The following GALNT3 variants were observed in gnomAD, a reference collection of about 807,000 sequenced individuals.
GALNT3 encodes the protein GalNAc transferase 3.
GALNT3 carries 51 observed loss-of-function variants against 69.8 expected under a neutral mutation model. That is an observed-to-expected ratio of 0.73 (90% CI 0.58 to 0.92). The LOEUF is 0.92. Among genes scored for constraint, GALNT3 ranks in the 40% least tolerant of loss-of-function variants. The pLI, the probability that GALNT3 is intolerant of heterozygous loss-of-function variation, is 0.00. For missense variants in GALNT3, 711 were observed against 760.0 expected, an observed-to-expected ratio of 0.94 and a Z score of 0.76; for synonymous variants, 265 against 248.5, an observed-to-expected ratio of 1.07 and a Z score of -0.63.
At chr2:165,749,439 G>T (rs1688316914) in intron 10 of GALNT3, among the ~76,000 whole-genome samples, 1 of 152,006 alleles carries the variant, frequency 6.6e-6, no homozygotes, top group Non-Finnish European at 1.5e-5. Context: ...TATGACTGTT[G>T]CTAAAAGCAT....
intron 9 of GALNT3, among the ~76,000 whole-genome samples, chr2:165,751,803 C>A (rs1688362099): frequency 1.3e-5 from 2 of 151,726 alleles, no homozygotes; most frequent in Admixed American, 1.3e-4. Flanking sequence ...ATTATCTGAT[C>A]AAAAGTAGAA....
At chr2:165,750,016 T>A in intron 9 of GALNT3, 122 bp from the exon 10 acceptor site, 1 of 892,108 alleles carries the variant, frequency 1.1e-6, no homozygotes, top group Non-Finnish European at 1.8e-6. Flanking sequence ...AATAATACAA[T>A]AAAAATAGTT....
rs938529041 is a variant in GALNT3, at chr2:165,748,295, C to G, written c.*486G>C. On this transcript the variant is annotated 3_prime_UTR_variant, in exon 11 of 11. Transcript: ENST00000392701. ...AAAAAAAGTTCACCTGCATTTTAAA[C>G]TAATAAATTCTGGATCTGTAAAAGC... is the stretch of plus-strand genomic sequence containing the variant. The G allele has an allele frequency of 9.4e-6, 2 of 212,720 alleles. No homozygotes were observed. Among genetic ancestry groups the G allele is most frequent in the Non-Finnish European group, 1.9e-5 (2 of 105,150 alleles). 13.2% of individuals were successfully genotyped at this position (212,720 alleles called of 1,614,324 possible).
intron 1 of GALNT3, among the ~76,000 whole-genome samples, chr2:165,782,279 G>T (rs1683126223): frequency 6.6e-6 from 1 of 151,928 alleles, no homozygotes; most frequent in Non-Finnish European, 1.5e-5. Flanking sequence ...GTTAGCAGGG[G>T]TGTCCAATCT....
At chr2:165,758,163 G>A (rs548967490) in intron 6 of GALNT3, among the ~76,000 whole-genome samples, 71 of 152,238 alleles carry the variant, frequency 4.7e-4, no homozygotes, top group African/African-American at 1.7e-3. Flanking sequence ...TGGAGCCAGA[G>A]CCAAAACTTA....
chr2:165,777,118 C>T (rs1682974012), intron 1 of GALNT3, among the ~76,000 whole-genome samples: 1 of 152,164 alleles, frequency 6.6e-6, no homozygotes, highest in Non-Finnish European at 1.5e-5. Flanking sequence ...AGTGGTTCCT[C>T]TCACTTCTTG....
chr2:165,754,668 G>A lies in GALNT3; in HGVS notation c.1585C>T (p.Pro529Ser), dbSNP rs1339087446. Reference protein sequence around the residue: ...DVGENNQGGKPLIMYTCHGLG... With the variant: ...DVGENNQGGKSLIMYTCHGLG... ...CCATGACATGTATACATAATTAATGGTTTGCCTCCTTGATTGTTTTCTCCA... is the reference window on the plus strand; with the variant it reads ...CCATGACATGTATACATAATTAATGATTTGCCTCCTTGATTGTTTTCTCCA... Residue 529 changes from proline to serine, a missense_variant, in exon 9 of 11, where the codon CCA becomes TCA. By Grantham distance (74) the Pro-to-Ser change is moderately conservative. Coordinates refer to ENST00000392701, the MANE Select transcript of GALNT3 (RefSeq NM_004482.4). 6.2e-7 allele frequency: 1 copy of A among 1,613,428 alleles called. No individual in the cohort carries two copies. Among genetic ancestry groups the A allele is most frequent in the Non-Finnish European group, 8.5e-7 (1 of 1,179,696 alleles).
intron 1 of GALNT3, among the ~76,000 whole-genome samples, chr2:165,777,220 T>C (rs528093520): frequency 9.7e-4 from 148 of 152,310 alleles, no homozygotes; most frequent in African/African-American, 3.5e-3. Flanking sequence ...TAATTTGGTA[T>C]ACAAAACTTC....
intron 4 of GALNT3, chr2:165,761,617 G>GAA (rs71393694): frequency 0.036 from 19,193 of 530,218 alleles, no homozygotes; most frequent in South Asian, 0.066. Context: ...AAGAAACATG[G>GAA]AAAAAAAAAA....
At chr2:165,790,787 GA>G (rs1367574612) in intron 1 of GALNT3, among the ~76,000 whole-genome samples, 1 of 152,116 alleles carries the variant, frequency 6.6e-6, no homozygotes, top group African/African-American at 2.4e-5. Context: ...TTTTTGTGGA[GA>G]GGGGGAGTGT....
intron 1 of GALNT3, among the ~76,000 whole-genome samples, chr2:165,778,572 A>G (rs1443124486): frequency 6.6e-6 from 1 of 152,174 alleles, no homozygotes; most frequent in Non-Finnish European, 1.5e-5. Flanking sequence ...TATGGCTGAA[A>G]TAAGTGTTCA....
intron 1 of GALNT3, among the ~76,000 whole-genome samples, chr2:165,774,333 C>G (rs1463627258): frequency 2.2e-4 from 33 of 152,136 alleles, no homozygotes; most frequent in Non-Finnish European, 2.9e-5. Flanking sequence ...CCTATTTTGA[C>G]AGAACATGGA....
At chr2:165,769,675 C>A (rs575326679) in intron 2 of GALNT3, among the ~76,000 whole-genome samples, 96 of 151,986 alleles carry the variant, frequency 6.3e-4, no homozygotes, top group African/African-American at 2.2e-3. Flanking sequence ...ATAGGGCATT[C>A]TGAAATATAA....
intron 4 of GALNT3, among the ~76,000 whole-genome samples, chr2:165,761,546 A>G (rs1486223428): frequency 1.3e-5 from 2 of 149,242 alleles, no homozygotes; most frequent in African/African-American, 2.4e-5. Context: ...CATTCACTTT[A>G]AAGTGTGGGA....
At chr2:165,780,783 C>G (rs190281802) in intron 1 of GALNT3, among the ~76,000 whole-genome samples, 7 of 152,054 alleles carry the variant, frequency 4.6e-5, no homozygotes, top group African/African-American at 1.7e-4. Context: ...AGTCTGAGTC[C>G]CTGGTTCATG....
chr2:165,767,869 C>CTT (rs34044047), intron 2 of GALNT3, among the ~76,000 whole-genome samples: 320 of 82,450 alleles, frequency 3.9e-3, no homozygotes, highest in East Asian at 8.2e-3. Flanking sequence ...AAAAACAAAT[C>CTT]TTTTTTTTTT....
chr2:165,782,038 G>A (rs750661780), intron 1 of GALNT3, among the ~76,000 whole-genome samples: 5 of 152,126 alleles, frequency 3.3e-5, no homozygotes, highest in Non-Finnish European at 7.4e-5. Flanking sequence ...AAGTTTAGGG[G>A]AGTCTACAGC....
At chr2:165,762,698 T>C (rs1688573821) in intron 3 of GALNT3, among the ~76,000 whole-genome samples, 1 of 152,226 alleles carries the variant, frequency 6.6e-6, no homozygotes, top group African/African-American at 2.4e-5. Context: ...TACTTTAAGA[T>C]ATTCAATATA....
At position 165,790,818 on chromosome 2, in the gene GALNT3, A is replaced by G. The variant is rs1258862154; in HGVS notation, c.-109+3197T>C. Among the ~76,000 whole-genome samples, 4 of 152,272 alleles carry G rather than the reference A, an allele frequency of 2.6e-5. 1 individual carries two copies. The South Asian group carries it at 8.3e-4, about 32-fold the overall frequency. Reference sequence around the variant, plus strand: ...GAGTGTAATTCCTACAATTTGTCTCATACTTGTTTCATAGTAAAAAAGAAA... The same window carrying G: ...GAGTGTAATTCCTACAATTTGTCTCGTACTTGTTTCATAGTAAAAAAGAAA... On this transcript the variant is annotated intron_variant, in intron 1 of 10. Coordinates refer to ENST00000392701, the MANE Select transcript of GALNT3 (RefSeq NM_004482.4).
Sources: allele counts gnomAD v4.1 joint callset (sites outside exome capture counted in the v4.1 genomes callset), GRCh38; gene constraint gnomAD v4.1.1; transcripts MANE v1.5; gene names NCBI Gene and HGNC (gene_info 2026-07-23, HGNC 2026-07-21).